GALNT14: variants seen among roughly 807,000 people sequenced by gnomAD.
GALNT14 encodes the protein UDP-GalNAc:polypeptide N-acetylgalactosaminyltransferase 14.
In GALNT14, 60 loss-of-function variants were observed where a neutral mutation model predicts 77.5. That is an observed-to-expected ratio of 0.77 (90% confidence interval 0.63 to 0.96). The LOEUF is 0.96. GALNT14 is among the 40% of genes least tolerant of loss of function. The probability of loss-of-function intolerance (pLI) is 0.00; values close to 1 mark genes in which losing one functional copy is unlikely to be tolerated. For missense variants in GALNT14, 710 were observed against 731.0 expected, an observed-to-expected ratio of 0.97 and a Z score of 0.33; for synonymous variants, 280 against 281.7, an observed-to-expected ratio of 0.99 and a Z score of 0.06.
At chr2:31,093,098 A>G (rs1676834568) in intron 1 of GALNT14, among the ~76,000 whole-genome samples, 1 of 152,164 alleles carries the variant, frequency 6.6e-6, no homozygotes. Flanking sequence ...GGTGAGAATG[A>G]GAGAGAGGAC....
intron 1 of GALNT14, among the ~76,000 whole-genome samples, chr2:31,018,510 T>C (rs950473807): frequency 6.6e-6 from 1 of 152,140 alleles, no homozygotes; most frequent in Admixed American, 6.5e-5. Flanking sequence ...AAGAACTCAC[T>C]GTCACATGAA....
chr2:31,106,782 T>C (rs1489055388), intron 1 of GALNT14, among the ~76,000 whole-genome samples: 1 of 152,242 alleles, frequency 6.6e-6, no homozygotes, highest in Non-Finnish European at 1.5e-5. Context: ...CCCCCTAATA[T>C]CATTGCTTCT....
intron 1 of GALNT14, among the ~76,000 whole-genome samples, chr2:31,026,596 C>CT (rs1672070525): frequency 6.6e-6 from 1 of 152,194 alleles, no homozygotes; most frequent in Non-Finnish European, 1.5e-5. Flanking sequence ...GGCTCTTGTG[C>CT]TTATCACTTA....
chr2:30,925,616 G>A (rs1342424007), intron 11 of GALNT14, among the ~76,000 whole-genome samples: 1 of 152,230 alleles, frequency 6.6e-6, no homozygotes, highest in Non-Finnish European at 1.5e-5. Flanking sequence ...CGGGCAGGAA[G>A]AGTGCTGCAG....
chr2:31,043,898 G>T (rs1673256673), intron 1 of GALNT14, among the ~76,000 whole-genome samples: 1 of 152,074 alleles, frequency 6.6e-6, no homozygotes, highest in African/African-American at 2.4e-5. Context: ...ATCAGTGGTG[G>T]GGTGGACAAG....
At chr2:30,955,869 C>G (rs778611920) in intron 5 of GALNT14, 43 bp downstream of exon 5, 1 of 1,612,448 alleles carries the variant, frequency 6.2e-7, no homozygotes, top group South Asian at 1.1e-5. Context: ...TTCGACCCCC[C>G]GACACTCACA....
At chr2:31,021,284 G>C (rs1671699010) in intron 1 of GALNT14, among the ~76,000 whole-genome samples, 1 of 152,092 alleles carries the variant, frequency 6.6e-6, no homozygotes, top group Non-Finnish European at 1.5e-5. Flanking sequence ...TGGCCTGCCA[G>C]CTGTTTTTTC....
intron 6 of GALNT14, among the ~76,000 whole-genome samples, chr2:30,949,280 G>C (rs138985266): frequency 3.4e-4 from 52 of 152,266 alleles, no homozygotes; most frequent in African/African-American, 1.2e-3. Context: ...GCATCTATTA[G>C]CTCCCTCTAA....
intron 1 of GALNT14, among the ~76,000 whole-genome samples, chr2:31,124,762 G>A (rs1287644840): frequency 6.6e-6 from 1 of 152,216 alleles, no homozygotes; most frequent in Non-Finnish European, 1.5e-5. Flanking sequence ...TGACTGTACT[G>A]GTAGCAGTCG....
At chr2:30,903,278 C>T in the GALNT14 span, among the ~76,000 whole-genome samples, 13 of 152,364 alleles carry the variant, frequency 8.5e-5, no homozygotes, top group East Asian at 2.1e-3. Context: ...TAGAATATAA[C>T]AGTTCCTGTG....
intron 1 of GALNT14, chr2:31,079,161 G>A: frequency 1.3e-6 from 1 of 784,618 alleles, no homozygotes; most frequent in Non-Finnish European, 1.7e-6. Flanking sequence ...CAGTGCTATT[G>A]CCCAGGCTCC....
chr2:31,044,921 A>T (rs906822559), intron 1 of GALNT14, among the ~76,000 whole-genome samples: 1 of 151,304 alleles, frequency 6.6e-6, no homozygotes, highest in African/African-American at 2.4e-5. Flanking sequence ...TCTCAACAGA[A>T]AAAAAAAAAC....
chr2:30,966,152 G>C, intron 3 of GALNT14, 52 bp downstream of exon 3: 1 of 1,441,678 alleles, frequency 6.9e-7, no homozygotes, highest in Non-Finnish European at 9.7e-7. Context: ...CAGACACACT[G>C]TCACCAAGTG....
chr2:31,113,624 C>A (rs1330720632), intron 1 of GALNT14, among the ~76,000 whole-genome samples: 1 of 152,114 alleles, frequency 6.6e-6, no homozygotes, highest in Non-Finnish European at 1.5e-5. Context: ...TGGTACTGCT[C>A]CTACAAGGTA....
At chr2:30,938,067 T>G (rs1666158104) in intron 9 of GALNT14, among the ~76,000 whole-genome samples, 1 of 118,796 alleles carries the variant, frequency 8.4e-6, no homozygotes, top group African/African-American at 3.2e-5. Flanking sequence ...ACTTACACAC[T>G]CAGGAGAGCC....
At chr2:30,973,004 T>C (rs1434774466) in intron 2 of GALNT14, among the ~76,000 whole-genome samples, 1 of 152,202 alleles carries the variant, frequency 6.6e-6, no homozygotes, top group Non-Finnish European at 1.5e-5. Flanking sequence ...TAAATAGAAA[T>C]TAGGATTTCC....
intron 1 of GALNT14, among the ~76,000 whole-genome samples, chr2:31,125,867 G>GT (rs1419489835): frequency 6.6e-6 from 1 of 152,200 alleles, no homozygotes. Flanking sequence ...TGATGCTGCA[G>GT]TTTTTAGCCA....
At chr2:31,050,427 A>G (rs939536049) in intron 1 of GALNT14, among the ~76,000 whole-genome samples, 6 of 152,084 alleles carry the variant, frequency 3.9e-5, no homozygotes, top group Non-Finnish European at 7.4e-5. Flanking sequence ...TGTCACGTAG[A>G]TGGGGGAGGA....
chr2:30,982,458 T>G (rs1246152780), intron 2 of GALNT14, among the ~76,000 whole-genome samples: 1 of 152,194 alleles, frequency 6.6e-6, no homozygotes, highest in Non-Finnish European at 1.5e-5. Context: ...TAATATATTC[T>G]TATAAAGGAA....
Sources: allele counts gnomAD v4.1 joint callset (sites outside exome capture counted in the v4.1 genomes callset), GRCh38; gene constraint gnomAD v4.1.1; transcripts MANE v1.5; gene names NCBI Gene and HGNC (gene_info 2026-07-23, HGNC 2026-07-21).